Variants in TSHZ3 observed in about 807,000 individuals in gnomAD.
The protein encoded by TSHZ3 is teashirt homolog 3.
A neutral mutation model predicts 64.5 loss-of-function variants in TSHZ3; 10 were observed. The observed-to-expected ratio is 0.16, with a 90% CI of 0.10 to 0.26. The LOEUF is 0.26. TSHZ3 is among the 10% of genes least tolerant of loss of function. TSHZ3 has a pLI of 1.00. For missense variants in TSHZ3, 1,242 were observed against 1,421.7 expected (o/e 0.87, Z 2.03); for synonymous variants, 608 against 593.1 (o/e 1.03, Z -0.36).
At chr19:31,337,031 T>TTTTA (rs59129062) in intron 1 of TSHZ3, among the ~76,000 whole-genome samples, 1 of 140,872 alleles carries the variant, frequency 7.1e-6, no homozygotes, top group African/African-American at 2.8e-5. Context: ...TTTTTTTTTT[T>TTTTA]ACAGGCAACC....
chr19:31,308,685 A>T, intron 1 of TSHZ3: 1 of 398,480 alleles, frequency 2.5e-6, no homozygotes, highest in Non-Finnish European at 4.4e-6. Flanking sequence ...CGTGCTGAGA[A>T]CCTCCACCCA....
chr19:31,229,560 T>C (rs1975512898), intron 3 of TSHZ3, among the ~76,000 whole-genome samples: 2 of 152,344 alleles, frequency 1.3e-5, no homozygotes, highest in East Asian at 1.9e-4. Flanking sequence ...GGTGCATGTT[T>C]ATCTGATCTT....
chr19:31,191,968 C>T (rs1419446576), intron 5 of TSHZ3, among the ~76,000 whole-genome samples: 1 of 152,040 alleles, frequency 6.6e-6, no homozygotes, highest in Non-Finnish European at 1.5e-5. Flanking sequence ...ATTTATTGGG[C>T]ATATAACATA....
chr19:31,297,075 G>A (rs1304158445), intron 1 of TSHZ3, among the ~76,000 whole-genome samples: 1 of 152,190 alleles, frequency 6.6e-6, no homozygotes, highest in Non-Finnish European at 1.5e-5. Context: ...GCATCCAGGG[G>A]GCATAGCACC....
intron 1 of TSHZ3, among the ~76,000 whole-genome samples, chr19:31,250,908 G>A (rs541960382): frequency 1.3e-5 from 2 of 152,274 alleles, no homozygotes; most frequent in Admixed American, 1.3e-4. Context: ...AGCAGCTGGA[G>A]TGCTCACCAC....
chr19:31,182,071 C>T (rs969617902), intron 5 of TSHZ3, among the ~76,000 whole-genome samples: 6 of 152,118 alleles, frequency 3.9e-5, no homozygotes, highest in South Asian at 2.1e-4. Flanking sequence ...TCCTGAGAGC[C>T]GCATGCTCTA....
intron 1 of TSHZ3, among the ~76,000 whole-genome samples, chr19:31,300,275 C>CA (rs1976732050): frequency 6.6e-6 from 1 of 152,126 alleles, no homozygotes. Context: ...CACCAGAAAT[C>CA]TATTGAGATA....
At chr19:31,156,761 T>C (rs551375861) in intron 5 of TSHZ3, among the ~76,000 whole-genome samples, 1 of 152,322 alleles carries the variant, frequency 6.6e-6, no homozygotes, top group South Asian at 2.1e-4. Flanking sequence ...CTTAACAAGA[T>C]GTGATGAAAT....
In TSHZ3 at chr19:31,247,117, C is replaced by G. The variant is rs147545667; in HGVS notation, n.64-4242G>C. 6.0e-3 allele frequency among the ~76,000 whole-genome samples: 917 copies of G among 152,196 alleles called. 12 individuals carry two copies. Among genetic ancestry groups the G allele is most frequent in the African/African-American group, 0.021 (875 of 41,516 alleles). ...AGGAATACTATAATTAGAAAAATTT[C>G]CTCTTGGCAACTATCATCATCATCC... is the stretch of plus-strand genomic sequence containing the variant. On this transcript the variant is annotated intron_variant and non_coding_transcript_variant, in intron 1 of 6. Coordinates refer to the TSHZ3 transcript ENST00000651361.
intron 1 of TSHZ3, among the ~76,000 whole-genome samples, chr19:31,326,381 G>C (rs1916931168): frequency 6.6e-6 from 1 of 152,186 alleles, no homozygotes; most frequent in Non-Finnish European, 1.5e-5. Context: ...TTAATTTAAA[G>C]AATGACAATG....
exon 4 of TSHZ3, among the ~76,000 whole-genome samples, chr19:31,228,074 C>T (rs1223500817): frequency 6.6e-6 from 1 of 152,152 alleles, no homozygotes; most frequent in East Asian, 1.9e-4. Flanking sequence ...CTCCGTGGAA[C>T]ATCTAGAGTC....
At chr19:31,161,419 G>T (rs1434795620) in intron 5 of TSHZ3, among the ~76,000 whole-genome samples, 2 of 152,172 alleles carry the variant, frequency 1.3e-5, no homozygotes, top group Admixed American at 1.3e-4. Context: ...TACATGCATA[G>T]ATATAATTTG....
intron 1 of TSHZ3, among the ~76,000 whole-genome samples, chr19:31,342,739 G>A (rs1371085724): frequency 6.6e-6 from 1 of 152,190 alleles, no homozygotes; most frequent in East Asian, 1.9e-4. Flanking sequence ...CTCCATTAAG[G>A]ATGGGTTCCA....
chr19:31,293,430 G>C (rs1173633276), intron 1 of TSHZ3, among the ~76,000 whole-genome samples: 1 of 152,186 alleles, frequency 6.6e-6, no homozygotes, highest in Admixed American at 6.5e-5. Flanking sequence ...TCCACACACA[G>C]AGATGCTAGT....
intron 5 of TSHZ3, among the ~76,000 whole-genome samples, chr19:31,174,418 T>A (rs889088292): frequency 1.4e-4 from 21 of 152,208 alleles, no homozygotes; most frequent in African/African-American, 5.1e-4. Context: ...CCACCTCACA[T>A]TGTGGAGGGC....
At position 31,195,940 on chromosome 19, in the gene TSHZ3, T is replaced by C. The variant is rs149747858; in HGVS notation, n.809+9016A>G. Among the ~76,000 whole-genome samples, 891 of 152,118 alleles carry C rather than the reference T, an allele frequency of 5.9e-3. 7 individuals carry two copies. The highest frequency in any genetic ancestry group is 0.02 in the African/African-American group (841 of 41,554). ...GTGTGAACATCATAGTGTGTACTTA[T>C]ACAAATCTAGATAGTATAGCCTACT... On this transcript the variant is annotated intron_variant and non_coding_transcript_variant, in intron 5 of 6. Coordinates refer to the TSHZ3 transcript ENST00000651361.
intron 1 of TSHZ3, among the ~76,000 whole-genome samples, chr19:31,288,627 C>A (rs1976508663): frequency 6.6e-6 from 1 of 152,154 alleles, no homozygotes. Flanking sequence ...ACTGCAGCCT[C>A]TAACTCCTGG....
chr19:31,214,196 C>T (rs1398900556), intron 4 of TSHZ3, among the ~76,000 whole-genome samples: 1 of 152,208 alleles, frequency 6.6e-6, no homozygotes, highest in Non-Finnish European at 1.5e-5. Flanking sequence ...GCGCACTCTC[C>T]GTCATTCATG....
intron 1 of TSHZ3, among the ~76,000 whole-genome samples, chr19:31,333,956 G>A (rs1917169847): frequency 6.6e-6 from 1 of 152,188 alleles, no homozygotes; most frequent in African/African-American, 2.4e-5. Context: ...GCGTGTACGT[G>A]TGTTTCCAAA....
Sources: gnomAD v4.1 joint callset for allele counts (sites outside exome capture counted in the v4.1 genomes callset) on GRCh38, gnomAD v4.1.1 for gene constraint, MANE v1.5 for transcripts, NCBI Gene and HGNC (gene_info 2026-07-23, HGNC 2026-07-21) for gene names.